FUT8: variants seen among roughly 807,000 people sequenced by gnomAD.
FUT8 encodes fucosyltransferase 8, also known as alpha-(1,6)-fucosyltransferase.
FUT8 carries 29 observed loss-of-function variants against 71.3 expected under a neutral mutation model. That is an observed-to-expected ratio of 0.41 (90% CI 0.30 to 0.55). The LOEUF (loss-of-function observed/expected upper bound fraction) is 0.55, where lower values mean the gene tolerates loss of function less well. Among genes scored for constraint, FUT8 ranks in the 20% least tolerant of loss-of-function variants. FUT8 has a pLI of 0.34. For missense variants in FUT8, 544 were observed against 702.1 expected, an observed-to-expected ratio of 0.77 and a Z score of 2.55; for synonymous variants, 254 against 239.3, an observed-to-expected ratio of 1.06 and a Z score of -0.57.
At chr14:65,683,839 T>A (rs1893153021) in intron 7 of FUT8, among the ~76,000 whole-genome samples, 1 of 152,022 alleles carries the variant, frequency 6.6e-6, no homozygotes, top group Non-Finnish European at 1.5e-5. Context: ...TTTTTTAAAA[T>A]CTGATAATAG....
the FUT8 span, among the ~76,000 whole-genome samples, chr14:65,379,690 TG>T: frequency 5.5e-3 from 839 of 152,332 alleles, 7 homozygotes; most frequent in Non-Finnish European, 9.7e-3. Flanking sequence ...GTCTGTTTTT[TG>T]TAAGTGAGTG....
the FUT8 span, among the ~76,000 whole-genome samples, chr14:65,395,727 G>A: frequency 1.3e-5 from 2 of 152,230 alleles, no homozygotes; most frequent in South Asian, 2.1e-4. Context: ...GCTCTGACAT[G>A]CCCTGGAGGC....
intron 3 of FUT8, 47 bp downstream of exon 3, chr14:65,561,813 GT>G: frequency 6.7e-7 from 1 of 1,497,180 alleles, no homozygotes; most frequent in Non-Finnish European, 9.3e-7. Flanking sequence ...ATTGTACTTT[GT>G]TTTTAGGTGT....
chr14:65,573,712 C>T (rs369542989), intron 3 of FUT8, among the ~76,000 whole-genome samples: 1 of 144,758 alleles, frequency 6.9e-6, no homozygotes, highest in African/African-American at 2.6e-5. Context: ...CCAGCCTGGG[C>T]AACACAGTGA....
chr14:65,401,893 T>C, the FUT8 span, among the ~76,000 whole-genome samples: 1 of 78,238 alleles, frequency 1.3e-5, no homozygotes, highest in Non-Finnish European at 2.5e-5. Context: ...TGAGACCCTG[T>C]CTAAAAAAAA....
chr14:65,718,277 C>T (rs1895226662), intron 7 of FUT8, among the ~76,000 whole-genome samples: 2 of 152,044 alleles, frequency 1.3e-5, no homozygotes. Flanking sequence ...TTGCAAATAA[C>T]TTATAGCTCG....
chr14:65,501,995 C>T (rs1286382572), intron 2 of FUT8, among the ~76,000 whole-genome samples: 6 of 151,606 alleles, frequency 4.0e-5, no homozygotes, highest in Non-Finnish European at 8.8e-5. Flanking sequence ...TCTGTAGTCC[C>T]GAGCTCCCAA....
chr14:65,554,340 A>T (rs1207463958), intron 2 of FUT8, among the ~76,000 whole-genome samples: 1 of 149,932 alleles, frequency 6.7e-6, no homozygotes, highest in African/African-American at 2.4e-5. Flanking sequence ...GATAGTTCAA[A>T]TATCTGATTC....
intron 8 of FUT8, 131 bp from the exon 9 acceptor site, chr14:65,724,015 TC>T: frequency 1.7e-6 from 1 of 574,540 alleles, no homozygotes; most frequent in Non-Finnish European, 2.9e-6. Context: ...TTTTACTTTT[TC>T]TAATAGTGAA....
At chr14:65,460,294 G>A (rs988387630) in intron 2 of FUT8, among the ~76,000 whole-genome samples, 1 of 152,188 alleles carries the variant, frequency 6.6e-6, no homozygotes, top group Non-Finnish European at 1.5e-5. Flanking sequence ...AAACAGCCTA[G>A]GAAGATAGAA....
chr14:65,565,042 C>A (rs1301187365), intron 3 of FUT8, among the ~76,000 whole-genome samples: 1 of 151,904 alleles, frequency 6.6e-6, no homozygotes, highest in Non-Finnish European at 1.5e-5. Context: ...TGAACAGCTG[C>A]ATCTGGTGAG....
intron 7 of FUT8, among the ~76,000 whole-genome samples, chr14:65,715,705 C>A (rs1162349484): frequency 1.3e-5 from 2 of 152,030 alleles, no homozygotes; most frequent in African/African-American, 4.8e-5. Flanking sequence ...TTCTTAATTT[C>A]TTCATTGATC....
At chr14:65,623,358 A>G (rs528718438) in intron 5 of FUT8, among the ~76,000 whole-genome samples, 1 of 152,312 alleles carries the variant, frequency 6.6e-6, no homozygotes, top group African/African-American at 2.4e-5. Flanking sequence ...AACATAAAAC[A>G]TAACCAATTT....
chr14:65,439,510 C>T (rs1014214455), intron 1 of FUT8, among the ~76,000 whole-genome samples: 3 of 152,134 alleles, frequency 2.0e-5, no homozygotes, highest in Non-Finnish European at 4.4e-5. Context: ...TAAAGCCATA[C>T]TCCTAAATGT....
chr14:65,531,331 CA>C (rs1883942179), intron 2 of FUT8, among the ~76,000 whole-genome samples: 1 of 151,710 alleles, frequency 6.6e-6, no homozygotes, highest in Admixed American at 6.6e-5. Flanking sequence ...TGAAGTGTAC[CA>C]TATCTGATTA....
chr14:65,687,557 A>G (rs1314523022), intron 7 of FUT8, among the ~76,000 whole-genome samples: 1 of 152,232 alleles, frequency 6.6e-6, no homozygotes, highest in Non-Finnish European at 1.5e-5. Flanking sequence ...CCACTTAAAT[A>G]TATATGTGCA....
chr14:65,498,157 A>G (rs145273581), intron 2 of FUT8, among the ~76,000 whole-genome samples: 65 of 152,266 alleles, frequency 4.3e-4, no homozygotes, highest in African/African-American at 1.4e-3. Context: ...TTTGAGTTTT[A>G]TCTTTGCCTT....
rs763280336 is a variant in FUT8 at position 65,660,279 on chromosome 14, C to G, written c.598-8964C>G. On this transcript the variant is annotated intron_variant, in intron 6 of 10. Transcript: ENST00000673929. This position sits in a 1 kb window ranked among gnomAD's most constrained non-coding sequence, Gnocchi z 4.1. ...TTGAAAGCCTCAGTGGAAGAAATGC[C>G]CCACATTTGCTTGTTGCTTTCTATT... Among the ~76,000 whole-genome samples the G allele has an allele frequency of 3.9e-5, 6 of 151,960 alleles. No homozygotes were observed. Among genetic ancestry groups the G allele is most frequent in the Non-Finnish European group, 8.8e-5 (6 of 67,954 alleles).
At chr14:65,656,977 C>T (rs1223239865) in intron 6 of FUT8, among the ~76,000 whole-genome samples, 1 of 152,092 alleles carries the variant, frequency 6.6e-6, no homozygotes, top group African/African-American at 2.4e-5. Flanking sequence ...TAGACCCCAG[C>T]CTCTCACCAT....
Sources: allele counts gnomAD v4.1 joint callset (sites outside exome capture counted in the v4.1 genomes callset), GRCh38; gene constraint gnomAD v4.1.1; non-coding constraint Gnocchi (gnomAD v3.1); transcripts MANE v1.5; gene names NCBI Gene and HGNC (gene_info 2026-07-23, HGNC 2026-07-21).